FHIP1A: variants seen among roughly 807,000 people sequenced by gnomAD.
FHIP1A encodes FHF complex subunit HOOK interacting protein 1A.
A neutral mutation model predicts 88.6 loss-of-function variants in FHIP1A; 61 were observed. The observed-to-expected ratio is 0.69, with a 90% CI of 0.56 to 0.85. The LOEUF is 0.85. Ranked by LOEUF, FHIP1A falls within the 40% of genes least tolerant of loss-of-function variation. FHIP1A has a pLI of 0.00. For missense variants in FHIP1A, 1,154 were observed against 1,273.5 expected, an observed-to-expected ratio of 0.91 and a Z score of 1.43; for synonymous variants, 478 against 496.0, an observed-to-expected ratio of 0.96 and a Z score of 0.48.
chr4:151,509,998 G>C (rs1730971370), intron 3 of FHIP1A, among the ~76,000 whole-genome samples: 1 of 152,164 alleles, frequency 6.6e-6, no homozygotes, highest in African/African-American at 2.4e-5. Context: ...ACTGGAAGGA[G>C]AGATTGCTGT....
At chr4:151,647,513 C>T (rs894235338) in intron 10 of FHIP1A, among the ~76,000 whole-genome samples, 2 of 152,148 alleles carry the variant, frequency 1.3e-5, no homozygotes, top group Non-Finnish European at 2.9e-5. Flanking sequence ...TCTGTCCACC[C>T]AGCTATAATT....
At chr4:151,492,224 C>G (rs1730308258) in intron 3 of FHIP1A, among the ~76,000 whole-genome samples, 1 of 152,160 alleles carries the variant, frequency 6.6e-6, no homozygotes, top group Non-Finnish European at 1.5e-5. Flanking sequence ...GCCCATGGAA[C>G]ATTCTCCAAG....
Position 151,649,954 on chromosome 4 carries a change from T to C in FHIP1A, c.1913T>C (p.Phe638Ser), listed in dbSNP as rs1482265174. 2 of 1,551,434 alleles carry C rather than the reference T, an allele frequency of 1.3e-6. No homozygotes were observed. Among genetic ancestry groups the C allele is most frequent in the South Asian group, 2.4e-5 (2 of 84,024 alleles). ...FKGSYIEESD[F>S]QDDVMVYRLC... is the part of the protein sequence containing the mutation. ...GGGTCCTACATAGAAGAGTCGGACT[T>C]TCAGGATGATGTGATGGTGTACAGG... Residue 638 changes from phenylalanine to serine, a missense_variant, in exon 11 of 14, where the codon TTT becomes TCT. By Grantham distance (155) the Phe-to-Ser change is radical. Coordinates refer to ENST00000435205, the MANE Select transcript of FHIP1A (RefSeq NM_001109977.3).
intron 7 of FHIP1A, among the ~76,000 whole-genome samples, chr4:151,613,433 G>A (rs958010398): frequency 1.3e-5 from 2 of 152,216 alleles, no homozygotes; most frequent in African/African-American, 2.4e-5. Context: ...ATAACTTGAT[G>A]ACTGAATGGG....
chr4:151,411,282 A>G (rs887845096), intron 1 of FHIP1A, among the ~76,000 whole-genome samples: 1 of 150,672 alleles, frequency 6.6e-6, no homozygotes, highest in Non-Finnish European at 1.5e-5. Context: ...CAAATATATT[A>G]TGTAGAGATA....
chr4:151,495,021 A>T (rs574476415), intron 3 of FHIP1A, among the ~76,000 whole-genome samples: 1 of 152,110 alleles, frequency 6.6e-6, no homozygotes, highest in African/African-American at 2.4e-5. Context: ...TTTTTTATAC[A>T]TTAATTTTGT....
intron 7 of FHIP1A, among the ~76,000 whole-genome samples, chr4:151,608,027 CTTTCT>C (rs1332924064): frequency 9.4e-6 from 1 of 106,306 alleles, no homozygotes; most frequent in Non-Finnish European, 2.1e-5. Context: ...TTTTCTTTTT[CTTTCT>C]TCTTCTTTTT....
chr4:151,486,823 C>T (rs570961983), intron 3 of FHIP1A, among the ~76,000 whole-genome samples: 104 of 151,852 alleles, frequency 6.8e-4, no homozygotes, highest in African/African-American at 2.3e-3. Flanking sequence ...AAAAATTAGC[C>T]GGGTGTGGTG....
intron 3 of FHIP1A, among the ~76,000 whole-genome samples, chr4:151,511,636 C>T (rs1731035681): frequency 6.6e-6 from 1 of 152,228 alleles, no homozygotes; most frequent in Admixed American, 6.5e-5. Flanking sequence ...AGATTATATC[C>T]CGCACATGGC....
intron 5 of FHIP1A, among the ~76,000 whole-genome samples, chr4:151,580,128 C>T (rs1325969596): frequency 6.6e-6 from 1 of 152,134 alleles, no homozygotes; most frequent in Non-Finnish European, 1.5e-5. Flanking sequence ...TAAAAGATAT[C>T]CATCTAGCTA....
intron 7 of FHIP1A, among the ~76,000 whole-genome samples, chr4:151,605,825 A>G (rs1409354656): frequency 3.3e-5 from 5 of 152,216 alleles, no homozygotes; most frequent in Non-Finnish European, 5.9e-5. Context: ...AAATTTTGAG[A>G]GGCTGAGAGC....
intron 7 of FHIP1A, among the ~76,000 whole-genome samples, chr4:151,617,560 A>T (rs1735588684): frequency 6.6e-6 from 1 of 152,068 alleles, no homozygotes; most frequent in South Asian, 2.1e-4. Context: ...CTGCTGGATT[A>T]TCCTTTCCAT....
chr4:151,632,811 T>C (rs1736206402), intron 8 of FHIP1A, among the ~76,000 whole-genome samples: 1 of 151,958 alleles, frequency 6.6e-6, no homozygotes, highest in East Asian at 1.9e-4. Context: ...CCCAAACTTA[T>C]GAGGTGCAGT....
intron 8 of FHIP1A, among the ~76,000 whole-genome samples, chr4:151,630,921 A>G (rs1219746604): frequency 6.6e-6 from 1 of 152,232 alleles, no homozygotes; most frequent in Non-Finnish European, 1.5e-5. Context: ...CAAAGAAGAA[A>G]TCACAAGGAA....
chr4:151,418,035 G>A (rs1732960652), intron 1 of FHIP1A, among the ~76,000 whole-genome samples: 1 of 151,806 alleles, frequency 6.6e-6, no homozygotes, highest in Admixed American at 6.6e-5. Flanking sequence ...TAGGCGGTAT[G>A]GTGTCTCACC....
intron 3 of FHIP1A, among the ~76,000 whole-genome samples, chr4:151,517,967 T>C (rs1392645197): frequency 6.6e-6 from 1 of 152,154 alleles, no homozygotes; most frequent in African/African-American, 2.4e-5. Context: ...TATAGTAAGC[T>C]AAGGTTAATT....
intron 7 of FHIP1A, among the ~76,000 whole-genome samples, chr4:151,616,444 CTTTTTTT>C (rs763599410): frequency 4.4e-5 from 5 of 113,388 alleles, no homozygotes; most frequent in Non-Finnish European, 9.3e-5. Context: ...TTCTTTCTTT[CTTTTTTT>C]TTTTTTTTTT....
At chr4:151,623,521 C>CT (rs747837424) in intron 7 of FHIP1A, among the ~76,000 whole-genome samples, 10,640 of 87,704 alleles carry the variant, frequency 0.12, 595 homozygotes, top group Non-Finnish European at 0.15. Flanking sequence ...CTTCCTGGTC[C>CT]TTTTTTTTTT....
chr4:151,444,511 C>T (rs1366738298), intron 1 of FHIP1A, among the ~76,000 whole-genome samples: 1 of 152,112 alleles, frequency 6.6e-6, no homozygotes, highest in Non-Finnish European at 1.5e-5. Flanking sequence ...CATTGTATCC[C>T]TTTTGTCCCC....
Sources: allele counts gnomAD v4.1 joint callset (sites outside exome capture counted in the v4.1 genomes callset), GRCh38; gene constraint gnomAD v4.1.1; transcripts MANE v1.5; gene names NCBI Gene and HGNC (gene_info 2026-07-23, HGNC 2026-07-21).